The following MAN2C1 variants were observed in gnomAD, a reference collection of about 807,000 sequenced individuals.
MAN2C1 encodes the protein mannosidase alpha class 2C member 1, also known as alpha-mannosidase 2C1.
MAN2C1 carries 111 observed loss-of-function variants against 126.9 expected under a neutral mutation model. The ratio of observed to expected loss-of-function variants is 0.87; its 90% CI spans 0.75 to 1.02. The LOEUF is 1.02. Among genes scored for constraint, MAN2C1 ranks in the 50% least tolerant of loss-of-function variants. The probability of loss-of-function intolerance (pLI) is 0.00; values close to 1 mark genes in which losing one functional copy is unlikely to be tolerated. For missense variants in MAN2C1, 1,363 were observed against 1,364.4 expected, an observed-to-expected ratio of 1.00 and a Z score of 0.02; for synonymous variants, 567 against 561.5, an observed-to-expected ratio of 1.01 and a Z score of -0.14.
chr15:75,363,953 A>G (rs1164508614), intron 6 of MAN2C1, 46 bp downstream of exon 6: 19 of 1,602,734 alleles, frequency 1.2e-5, no homozygotes, highest in Non-Finnish European at 1.6e-5. Context: ...CAGGTCTTCA[A>G]GGGCACTCCT....
intron 4 of MAN2C1, 57 bp downstream of exon 4, chr15:75,366,465 T>G (rs1161474071): frequency 1.3e-6 from 2 of 1,495,490 alleles, no homozygotes; most frequent in Non-Finnish European, 1.9e-6. Context: ...CAGCTCCTCC[T>G]TGCTCACTGG....
chr15:75,367,465 AG>A (rs769715842), intron 3 of MAN2C1, 45 bp downstream of exon 3: 1 of 1,603,604 alleles, frequency 6.2e-7, no homozygotes. Context: ...TAGTCATTTC[AG>A]GGCTGAAATG....
rs2072462484 is a variant in MAN2C1 at position 75,361,257 on chromosome 15, C to T, written c.1314+29G>A. The T allele has an allele frequency of 1.9e-6, 3 of 1,582,282 alleles. No homozygotes were observed. Among genetic ancestry groups the T allele is most frequent in the East Asian group, 4.6e-5 (2 of 43,876 alleles). ...CAAGCCAGCCCTCTCCAGCCTGCCC[C>T]TACCCCACCACCCTAGGTGACCCCT... On this transcript the variant is annotated intron_variant, in intron 11 of 25. Transcript: ENST00000267978. This position sits in a 1 kb window ranked among gnomAD's most constrained non-coding sequence, Gnocchi z 5.0.
At chr15:75,365,675 G>A (rs934026391) in intron 4 of MAN2C1, 4 of 205,936 alleles carry the variant, frequency 1.9e-5, no homozygotes, top group East Asian at 3.7e-4. Context: ...GCAGTGAGCC[G>A]AGATCGTGCC....
At position 75,355,940 on chromosome 15, in the gene MAN2C1, G is replaced by C. The variant is rs1006270685; in HGVS notation, c.3089C>G (p.Ser1030Cys). The C allele has an allele frequency of 1.1e-5, 17 of 1,614,222 alleles. No homozygotes were observed. The highest frequency in any genetic ancestry group is 1.4e-5 in the Non-Finnish European group (16 of 1,180,036). Reference sequence around the variant, plus strand: ...CGGAGGCTGAAGCACGAGCAACAGGGACAGCACTTGGAAGGGAGAAAAGGT... The same window carrying C: ...CGGAGGCTGAAGCACGAGCAACAGGCACAGCACTTGGAAGGGAGAAAAGGT... ...KLTFSPFQVL[S>C]LLLVLQPPPH The change falls in exon 26 of 26, where the codon TCC becomes TGC. Residue 1030 changes from serine to cysteine, a missense_variant. This residue lies in a region of MAN2C1 where 668 missense variants were observed against 650.1 expected (regional missense o/e 1.03). Transcript: ENST00000267978.
Position 75,359,437 on chromosome 15 carries a change from G to A in MAN2C1, c.1949-12C>T, listed in dbSNP as rs762583672. The A allele has an allele frequency of 1.9e-6, 3 of 1,605,230 alleles. No individual in the cohort carries two copies. Among genetic ancestry groups the A allele is most frequent in the South Asian group, 2.2e-5 (2 of 90,728 alleles). On this transcript the variant is annotated splice_polypyrimidine_tract_variant and intron_variant, in intron 16 of 25. Transcript: ENST00000267978. ...CACTGTCACCAGGGCTGGGGGTGAG[G>A]CCTGGGCATCAGTGCAGCCTTCCTG... is the stretch of plus-strand genomic sequence containing the variant.
chr15:75,356,744 G>GT lies in MAN2C1; in HGVS notation c.2657+48_2657+49insA. 1 of 1,612,442 alleles carries GT rather than the reference G, an allele frequency of 6.2e-7. No individual in the cohort carries two copies. The highest frequency in any genetic ancestry group is 8.5e-7 in the Non-Finnish European group (1 of 1,178,866). On this transcript the variant is annotated intron_variant, in intron 22 of 25. Transcript: ENST00000267978. The surrounding 1 kb of genome is among the most constrained non-coding windows in gnomAD (Gnocchi z 5.8). ...AAGCTGTTGGAGTTGTGGTCGGGAA[G>GT]ACCCATTTCTCCATGCCAGCTCCCA...
Position 75,356,804 on chromosome 15 carries a change from G to A in MAN2C1, c.2646C>T (p.Leu882=), listed in dbSNP as rs752020927. ...GGTACCCCACTTACAGCGAGAGGCT[G>A]AGGATGCTGCCTCGCACTGACGCGC... ...KYGASVRGSI[L]SLSLLRAPKA... The change falls in exon 22 of 26, where the codon CTC becomes CTT. Residue 882 remains leucine (L), a synonymous_variant. Transcript: ENST00000267978. This position sits in a 1 kb window ranked among gnomAD's most constrained non-coding sequence, Gnocchi z 5.8. 1 of 1,613,978 alleles carries A rather than the reference G, an allele frequency of 6.2e-7. No homozygotes were observed. Among genetic ancestry groups the A allele is most frequent in the East Asian group, 2.2e-5 (1 of 44,898 alleles).
Position 75,361,613 on chromosome 15 carries a change from G to A in MAN2C1, c.1209C>T (p.Asn403=). 6.2e-7 allele frequency: 1 copy of A among 1,613,504 alleles called. No homozygotes were observed. Among genetic ancestry groups the A allele is most frequent in the Admixed American group, 1.7e-5 (1 of 60,032 alleles). ...CCGGGGGCCTGCTTACTGGGAAGGA[G>A]TTCACCAAATTCCAGCTCAATTTCT... is the stretch of plus-strand genomic sequence containing the variant. ...LTQKLSWNLV[N]SFPHHTFFWE... Residue 403 remains asparagine (N), a synonymous_variant, in exon 10 of 26, where the codon AAC becomes AAT. Transcript: ENST00000267978. The surrounding 1 kb of genome is among the most constrained non-coding windows in gnomAD (Gnocchi z 5.0).
chr15:75,366,480 C>T (rs1208194631), intron 4 of MAN2C1, 42 bp downstream of exon 4: 6 of 1,573,324 alleles, frequency 3.8e-6, no homozygotes, highest in Non-Finnish European at 5.2e-6. Context: ...CACTGGTACT[C>T]CCTCCCTGAC....
chr15:75,364,013 C>G lies in MAN2C1; in HGVS notation c.776G>C (p.Cys259Ser). The change falls in exon 6 of 26, where the codon TGC becomes TCC. Residue 259 changes from cysteine (C) to serine (S), a missense_variant. By Grantham distance (112) the Cys-to-Ser change is moderately radical. Around this residue, in one of 3 missense-constraint regions of MAN2C1, gnomAD observed 628 missense variants for 609.8 expected, o/e 1.03. Coordinates refer to ENST00000267978, the MANE Select transcript of MAN2C1 (RefSeq NM_006715.4). Reference sequence around the variant, plus strand: ...TGCTGTCCTACCTGTATCAATGTGGCAGTGCCCTGTGGCATGAATGGTGTG... The same window carrying G: ...TGCTGTCCTACCTGTATCAATGTGGGAGTGCCCTGTGGCATGAATGGTGTG... ...SQHTIHATGH[C>S]HIDTAWLWPF... 6.2e-7 allele frequency: 1 copy of G among 1,614,122 alleles called. No individual in the cohort carries two copies. Among genetic ancestry groups the G allele is most frequent in the Non-Finnish European group, 8.5e-7 (1 of 1,180,016 alleles).
In MAN2C1 at chr15:75,362,402, T is replaced by C. The variant is rs2072490196; in HGVS notation, c.949A>G (p.Ile317Val). ...TGCCCACGGCACGCAAACTCCTGGATGCGGGAGTACAGGCCAGGGTAGCGG... is the reference window on the plus strand; with the variant it reads ...TGCCCACGGCACGCAAACTCCTGGACGCGGGAGTACAGGCCAGGGTAGCGG... Reference protein sequence around the residue: ...KSRYPGLYSRIQEFACRGQFV... With the variant: ...KSRYPGLYSRVQEFACRGQFV... Residue 317 changes from isoleucine to valine, a missense_variant, in exon 8 of 26, where the codon ATC (isoleucine) becomes GTC (valine). Ile to Val is a conservative substitution (Grantham distance 29). This residue lies in a region of MAN2C1 where 628 missense variants were observed against 609.8 expected (regional missense o/e 1.03). Coordinates refer to ENST00000267978, the MANE Select transcript of MAN2C1 (RefSeq NM_006715.4). The surrounding 1 kb of genome is among the most constrained non-coding windows in gnomAD (Gnocchi z 4.5). The C allele has an allele frequency of 2.5e-6, 4 of 1,613,854 alleles. No individual in the cohort carries two copies. The highest frequency in any genetic ancestry group is 3.4e-6 in the Non-Finnish European group (4 of 1,180,002).
At chr15:75,360,544 G>A in intron 13 of MAN2C1, 21 bp downstream of exon 13, 1 of 1,612,528 alleles carries the variant, frequency 6.2e-7, no homozygotes, top group South Asian at 1.1e-5. Context: ...TCCCTGCACA[G>A]CCCTGCAACC....
Position 75,367,503 on chromosome 15 carries a change from T to A in MAN2C1, c.351+8A>T. ...GGCCATACCTGGCCCTAGGACAGGGTTCCTCACCTGGACAGGTTCTCCATC... is the reference window on the plus strand; with the variant it reads ...GGCCATACCTGGCCCTAGGACAGGGATCCTCACCTGGACAGGTTCTCCATC... On this transcript the variant is annotated splice_region_variant and intron_variant, in intron 3 of 25. Transcript: ENST00000267978. The A allele has an allele frequency of 1.2e-6, 2 of 1,613,474 alleles. No individual in the cohort carries two copies. The highest frequency in any genetic ancestry group is 1.7e-6 in the Non-Finnish European group (2 of 1,179,630).
chr15:75,359,168 G>A lies in MAN2C1; in HGVS notation c.2047-15C>T. ...GAGCCATCAGTCTTTGTGGGAGGAG[G>A]CCTTGAGGCTGAGTCTGTAGGGGCT... On this transcript the variant is annotated splice_polypyrimidine_tract_variant and intron_variant, in intron 17 of 25. Coordinates refer to ENST00000267978, the MANE Select transcript of MAN2C1 (RefSeq NM_006715.4). 1.2e-6 allele frequency: 2 copies of A among 1,613,718 alleles called. No individual in the cohort carries two copies. The highest frequency in any genetic ancestry group is 1.3e-5 in the African/African-American group (1 of 75,064).
rs7174408 is a variant in MAN2C1, at chr15:75,361,037, T to C, written c.1460+9A>G. On this transcript the variant is annotated intron_variant, in intron 12 of 25. Coordinates refer to ENST00000267978, the MANE Select transcript of MAN2C1 (RefSeq NM_006715.4). This position sits in a 1 kb window ranked among gnomAD's most constrained non-coding sequence, Gnocchi z 5.0. ...GTGGGGCTAAAGGAGAGCCAAGGCCTGGCCTGACCTGGGCAGCCCATCCGT... is the reference window on the plus strand; with the variant it reads ...GTGGGGCTAAAGGAGAGCCAAGGCCCGGCCTGACCTGGGCAGCCCATCCGT... 1 allele frequency: 1,603,419 copies of C among 1,605,098 alleles called. 800,880 individuals are homozygous for C. The highest frequency in any genetic ancestry group is 1 in the East Asian group (44,544 of 44,546).
At chr15:75,363,313 C>T (rs1308677038) in intron 6 of MAN2C1, 5 of 455,926 alleles carry the variant, frequency 1.1e-5, no homozygotes, top group African/African-American at 2.0e-5. Flanking sequence ...GTGGATTTCC[C>T]GTAAAACTCA....
In MAN2C1 at chr15:75,361,112, C is replaced by G. The variant is rs141832291; in HGVS notation, c.1394G>C (p.Gly465Ala). 2 of 1,612,862 alleles carry G rather than the reference C, an allele frequency of 1.2e-6. No individual in the cohort carries two copies. The highest frequency in any genetic ancestry group is 1.7e-6 in the Non-Finnish European group (2 of 1,179,646). Reference protein sequence around the residue: ...SAFLFGFGDGGGGPTQTMLDR... With the variant: ...SAFLFGFGDGAGGPTQTMLDR... Reference sequence around the variant, plus strand: ...CAGCATGGTCTGGGTGGGGCCACCACCCCCATCCCCAAAGCCAAAGAGGAA... The same window carrying G: ...CAGCATGGTCTGGGTGGGGCCACCAGCCCCATCCCCAAAGCCAAAGAGGAA... The change falls in exon 12 of 26, where the codon GGT becomes GCT. Residue 465 changes from glycine to alanine, a missense_variant. Physicochemically the swap from Gly to Ala is moderately conservative, Grantham distance 60. Transcript: ENST00000267978. The surrounding 1 kb of genome is among the most constrained non-coding windows in gnomAD (Gnocchi z 5.0).
rs1172753522 is a variant in MAN2C1, at chr15:75,368,208, A to G, written c.102-10T>C. On this transcript the variant is annotated splice_polypyrimidine_tract_variant and intron_variant, in intron 1 of 25. Coordinates refer to ENST00000267978, the MANE Select transcript of MAN2C1 (RefSeq NM_006715.4). ...GCTGGCCCCAAAAAGCCTGCGTGGGACGGGCCGGTGGGCACATGCTGGAGG... is the reference window on the plus strand; with the variant it reads ...GCTGGCCCCAAAAAGCCTGCGTGGGGCGGGCCGGTGGGCACATGCTGGAGG... 2 of 1,598,294 alleles carry G rather than the reference A, an allele frequency of 1.3e-6. No homozygotes were observed. The highest frequency in any genetic ancestry group is 1.7e-6 in the Non-Finnish European group (2 of 1,175,362).
Sources: allele counts gnomAD v4.1 joint callset, GRCh38; gene constraint gnomAD v4.1.1; regional missense constraint gnomAD v4.1.1; non-coding constraint Gnocchi (gnomAD v3.1); transcripts MANE v1.5; gene names NCBI Gene and HGNC (gene_info 2026-07-23, HGNC 2026-07-21).